The following SH3KBP1 variants were observed in gnomAD, a reference collection of about 807,000 sequenced individuals.
SH3KBP1 encodes the protein SH3 domain-containing kinase-binding protein 1.
SH3KBP1 carries 8 observed loss-of-function variants against 50.1 expected under a neutral mutation model. The ratio of observed to expected loss-of-function variants is 0.16; its 90% confidence interval spans 0.09 to 0.29. SH3KBP1 has a LOEUF of 0.29. SH3KBP1 is among the 10% of genes least tolerant of loss of function. The pLI is 1.00. For missense variants in SH3KBP1, 377 were observed against 535.2 expected (o/e 0.70, Z 2.92); for synonymous variants, 227 against 218.6 (o/e 1.04, Z -0.34).
intron 8 of SH3KBP1, among the ~76,000 whole-genome samples, chrX:19,621,078 T>C (rs1476356126): frequency 1.0e-4 from 10 of 95,813 alleles, no homozygotes; most frequent in African/African-American, 3.0e-4. Context: ...TCTTTCTTTT[T>C]TTTTTTTTTT....
In SH3KBP1 at chrX:19,625,614, C is replaced by T. The variant is rs2067994105; in HGVS notation, c.897+6250G>A. Among the ~76,000 whole-genome samples the T allele has an allele frequency of 2.7e-5, 3 of 112,003 alleles. No homozygotes were observed. The Admixed American group carries it at 2.8e-4, about 11-fold the overall frequency. ...TGTCCTGACCCTAACAGATCGGAAA[C>T]ATAGATTTCAAAACGCGAGCATCAG... is the stretch of plus-strand genomic sequence containing the variant. On this transcript the variant is annotated intron_variant, in intron 8 of 17. Coordinates refer to ENST00000397821, the MANE Select transcript of SH3KBP1 (RefSeq NM_031892.3).
rs1218495525 is a variant in SH3KBP1, at chrX:19,794,230, C to CAA, written c.162+41893_162+41894dup. Among the ~76,000 whole-genome samples, 236 of 27,313 alleles carry CAA rather than the reference C, an allele frequency of 8.6e-3. 4 individuals carry two copies. Among genetic ancestry groups the CAA allele is most frequent in the Middle Eastern group, 0.024 (1 of 42 alleles). The allele number at this position is 27,313 out of a possible 115,157, so 23.7% of individuals were successfully genotyped here. A position where few individuals can be genotyped will look rare whatever the true frequency, so the allele number is the denominator to read the frequency against. ...GCAACATGGTGAAACCCTGTCTCTACAAAAAAAAAAAAAAAAAAAAAATCA... is the reference window on the plus strand; with the variant it reads ...GCAACATGGTGAAACCCTGTCTCTACAAAAAAAAAAAAAAAAAAAAAAAATCA... On this transcript the variant is annotated intron_variant, in intron 2 of 17. Coordinates refer to ENST00000397821, the MANE Select transcript of SH3KBP1 (RefSeq NM_031892.3).
At chrX:19,546,447 A>C (rs2065086882) in intron 14 of SH3KBP1, among the ~76,000 whole-genome samples, 1 of 112,556 alleles carries the variant, frequency 8.9e-6, no homozygotes, top group Admixed American at 9.3e-5. Flanking sequence ...ACAGTCTACC[A>C]GGGAAGAACA....
intron 13 of SH3KBP1, among the ~76,000 whole-genome samples, chrX:19,568,885 C>T (rs1031697245): frequency 5.3e-5 from 6 of 112,721 alleles, no homozygotes; most frequent in African/African-American, 1.9e-4. Flanking sequence ...TAAGGAATTT[C>T]TCCTAGGGAG....
At chrX:19,582,504 C>T (rs1232473852) in intron 12 of SH3KBP1, among the ~76,000 whole-genome samples, 1 of 112,259 alleles carries the variant, frequency 8.9e-6, no homozygotes, top group Non-Finnish European at 1.9e-5. Flanking sequence ...CAGTCACCCA[C>T]ATTTGTGGCC....
intron 2 of SH3KBP1, among the ~76,000 whole-genome samples, chrX:19,820,805 T>C (rs1174142036): frequency 9.0e-6 from 1 of 111,665 alleles, no homozygotes; most frequent in Non-Finnish European, 1.9e-5. Flanking sequence ...TGTACATTCT[T>C]TAGAATTTCC....
chrX:19,878,505 T>TGTGTGTGA (rs1491094714), intron 1 of SH3KBP1, among the ~76,000 whole-genome samples: 6 of 48,214 alleles, frequency 1.2e-4, no homozygotes, highest in African/African-American at 3.6e-4. Context: ...TGTGTGTGTG[T>TGTGTGTGA]GAGAGAGAGA....
intron 2 of SH3KBP1, among the ~76,000 whole-genome samples, chrX:19,763,203 G>T (rs2065485585): frequency 9.0e-6 from 1 of 111,262 alleles, no homozygotes; most frequent in South Asian, 3.8e-4. Context: ...GAAATTTCTG[G>T]GTCAACAACT....
intron 1 of SH3KBP1, among the ~76,000 whole-genome samples, chrX:19,843,008 CTTTTTTTTTTTT>C (rs1208728077): frequency 3.1e-5 from 2 of 65,182 alleles, no homozygotes; most frequent in African/African-American, 1.7e-4. Flanking sequence ...CGTGCATCAA[CTTTTTTTTTTTT>C]TTTTTTTTTT....
intron 4 of SH3KBP1, among the ~76,000 whole-genome samples, chrX:19,705,154 G>A (rs1395285877): frequency 2.7e-5 from 3 of 112,002 alleles, no homozygotes; most frequent in African/African-American, 9.7e-5. Flanking sequence ...ACAGTCGAGT[G>A]GAACATTTTC....
At chrX:19,817,103 G>A in intron 2 of SH3KBP1, among the ~76,000 whole-genome samples, 1 of 111,490 alleles carries the variant, frequency 9.0e-6, no homozygotes. Context: ...GTTTATTTCT[G>A]GGTTCTCTAG....
chrX:19,775,160 G>T (rs1201838355), intron 2 of SH3KBP1, among the ~76,000 whole-genome samples: 3 of 111,347 alleles, frequency 2.7e-5, no homozygotes, highest in African/African-American at 9.8e-5. Flanking sequence ...CTCTCCACAG[G>T]TCTTCACGAG....
chrX:19,616,291 G>A (rs1328890956), intron 8 of SH3KBP1, among the ~76,000 whole-genome samples: 1 of 111,687 alleles, frequency 9.0e-6, no homozygotes, highest in Non-Finnish European at 1.9e-5. Flanking sequence ...GTAATACAAC[G>A]AAGTCATGAC....
chrX:19,737,968 T>G (rs1453511978), intron 3 of SH3KBP1, among the ~76,000 whole-genome samples: 3 of 112,556 alleles, frequency 2.7e-5, no homozygotes, highest in Non-Finnish European at 5.6e-5. Context: ...GTCATTTCTC[T>G]GAGTGCCAGC....
chrX:19,858,671 T>G (rs1349153995), intron 1 of SH3KBP1, among the ~76,000 whole-genome samples: 1 of 112,142 alleles, frequency 8.9e-6, no homozygotes, highest in Non-Finnish European at 1.9e-5. Flanking sequence ...CAACAATTTA[T>G]CTCAGTCAAG....
At chrX:19,708,909 C>A (rs1321094704) in intron 3 of SH3KBP1, among the ~76,000 whole-genome samples, 2 of 111,920 alleles carry the variant, frequency 1.8e-5, no homozygotes, top group East Asian at 5.6e-4. Context: ...CTTAAAATAA[C>A]ACCATCTGAA....
At chrX:19,872,396 C>T in intron 1 of SH3KBP1, among the ~76,000 whole-genome samples, 1 of 110,464 alleles carries the variant, frequency 9.1e-6, no homozygotes, top group South Asian at 3.8e-4. Flanking sequence ...AACTCGAGAC[C>T]AGGATTAATT....
intron 9 of SH3KBP1, among the ~76,000 whole-genome samples, chrX:19,607,189 T>G (rs1348571047): frequency 8.9e-6 from 1 of 111,843 alleles, no homozygotes; most frequent in Non-Finnish European, 1.9e-5. Flanking sequence ...AGTAACAGAG[T>G]CCCCATGGAC....
chrX:19,721,527 T>G (rs1402767728), intron 3 of SH3KBP1, among the ~76,000 whole-genome samples: 1 of 112,321 alleles, frequency 8.9e-6, no homozygotes, highest in African/African-American at 3.2e-5. Flanking sequence ...TGCTTGTATT[T>G]TTGTACTATT....
Sources: gnomAD v4.1 joint callset for allele counts (sites outside exome capture counted in the v4.1 genomes callset) on GRCh38, gnomAD v4.1.1 for gene constraint, MANE v1.5 for transcripts, NCBI Gene and HGNC (gene_info 2026-07-23, HGNC 2026-07-21) for gene names.